The following MDGA1 variants were observed in gnomAD, a reference collection of about 807,000 sequenced individuals.
MDGA1 encodes MAM domain-containing glycosylphosphatidylinositol anchor protein 1.
In MDGA1, 54 loss-of-function variants were observed where a neutral mutation model predicts 101.5. The observed-to-expected ratio is 0.53, with a 90% CI of 0.43 to 0.67. The LOEUF is 0.67. Ranked by LOEUF, MDGA1 falls within the 30% of genes least tolerant of loss-of-function variation. MDGA1 has a pLI of 0.00. For synonymous variants in MDGA1, 533 were observed against 558.3 expected, an observed-to-expected ratio of 0.95 and a Z score of 0.64; for missense variants, 1,083 against 1,323.8, an observed-to-expected ratio of 0.82 and a Z score of 2.82.
intron 8 of MDGA1, 68 bp downstream of exon 8, chr6:37,650,041 A>C (rs1377557198): frequency 6.3e-7 from 1 of 1,594,678 alleles, no homozygotes. Context: ...GAGGATGAAG[A>C]GGGGACAGGC....
intron 2 of MDGA1, 49 bp downstream of exon 2, chr6:37,663,918 G>A (rs1001781638): frequency 5.0e-5 from 81 of 1,606,508 alleles, no homozygotes; most frequent in Non-Finnish European, 6.9e-5. Context: ...CTGAGCCTAG[G>A]CAAGGTGAGG....
chr6:37,641,881 A>T (rs1433311143), intron 14 of MDGA1: 1 of 152,210 alleles, frequency 6.6e-6, no homozygotes. Context: ...TGGGAGCCCC[A>T]GTGGATGCAG....
In MDGA1 at chr6:37,652,826, C is replaced by T. The variant is rs1761399901; in HGVS notation, c.983-486G>A. Among the ~76,000 whole-genome samples the T allele has an allele frequency of 1.3e-5, 2 of 152,192 alleles. No individual in the cohort carries two copies. The highest frequency in any genetic ancestry group is 4.8e-5 in the African/African-American group (2 of 41,446). ...TTAAACTTTAAATATGCAAAATACA[C>T]ATTTGGAAGCATGCACTAGAATATA... On this transcript the variant is annotated intron_variant, in intron 6 of 16. Transcript: ENST00000434837. This position sits in a 1 kb window ranked among gnomAD's most constrained non-coding sequence, Gnocchi z 4.3.
chr6:37,683,740 T>TGAGA (rs1444694138), intron 1 of MDGA1, among the ~76,000 whole-genome samples: 2 of 152,260 alleles, frequency 1.3e-5, no homozygotes, highest in Admixed American at 1.3e-4. Flanking sequence ...CCGATGTAAC[T>TGAGA]GACTTGATAA....
In MDGA1 at chr6:37,652,163, G is replaced by A. The variant is rs1185169157; in HGVS notation, c.1160C>T (p.Thr387Ile). 22 of 1,613,854 alleles carry A rather than the reference G, an allele frequency of 1.4e-5. No homozygotes were observed. The highest frequency in any genetic ancestry group is 2.2e-5 in the East Asian group (1 of 44,888). Reference sequence around the variant, plus strand: ...TGCGGGCAGCTCAGGATCATTGCGGGTCACCAGCAGCCGCTTGGACATGCG... The same window carrying A: ...TGCGGGCAGCTCAGGATCATTGCGGATCACCAGCAGCCGCTTGGACATGCG... ...PARMSKRLLV[T>I]RNDPELPAVT... The change falls in exon 7 of 17, where the codon ACC (threonine) becomes ATC (isoleucine). Residue 387 changes from threonine to isoleucine, a missense_variant. By Grantham distance (89) the Thr-to-Ile change is moderately conservative (BLOSUM62 -1). Coordinates refer to ENST00000434837, the MANE Select transcript of MDGA1 (RefSeq NM_153487.4). The surrounding 1 kb of genome is among the most constrained non-coding windows in gnomAD (Gnocchi z 4.3).
At chr6:37,650,590 G>T (rs577099472) in intron 7 of MDGA1, among the ~76,000 whole-genome samples, 185 bp from the exon 8 acceptor site, 3 of 152,174 alleles carry the variant, frequency 2.0e-5, no homozygotes, top group African/African-American at 7.2e-5. Context: ...TCCATCTCCT[G>T]GGTCTCCACC....
chr6:37,649,853 C>T (rs1250918161), intron 8 of MDGA1: 1 of 679,166 alleles, frequency 1.5e-6, no homozygotes, highest in Non-Finnish European at 2.7e-6. Flanking sequence ...CCCATTTCCA[C>T]CTGGCAAAAT....
chr6:37,686,039 T>C (rs1441095180), intron 1 of MDGA1, among the ~76,000 whole-genome samples: 1 of 152,108 alleles, frequency 6.6e-6, no homozygotes, highest in Admixed American at 6.5e-5. Context: ...CAATACCCAC[T>C]CTCCCTTTCT....
At chr6:37,673,114 A>G (rs906492111) in intron 1 of MDGA1, among the ~76,000 whole-genome samples, 1 of 152,206 alleles carries the variant, frequency 6.6e-6, no homozygotes, top group Non-Finnish European at 1.5e-5. Context: ...CAGCGAGGTT[A>G]TATAAGTTAC....
chr6:37,677,635 G>A lies in MDGA1; in HGVS notation c.68-13529C>T, dbSNP rs549131846. On this transcript the variant is annotated intron_variant, in intron 1 of 16. Coordinates refer to ENST00000434837, the MANE Select transcript of MDGA1 (RefSeq NM_153487.4). ...ATATATTGACAGGTATGGGCAGGGA[G>A]TTTAGAATGAATGGTTAATGTTTGA... Among the ~76,000 whole-genome samples, 11 of 152,230 alleles carry A rather than the reference G, an allele frequency of 7.2e-5. No homozygotes were observed. The East Asian group carries it at 1.9e-3, about 27-fold the overall frequency.
At chr6:37,656,205 G>A (rs571918913) in intron 3 of MDGA1, among the ~76,000 whole-genome samples, 1 of 150,838 alleles carries the variant, frequency 6.6e-6, no homozygotes, top group African/African-American at 2.4e-5. Flanking sequence ...AGCCTCCCAA[G>A]TAGCTGGGAT....
chr6:37,639,059 C>T (rs1256098501), intron 14 of MDGA1: 4 of 208,776 alleles, frequency 1.9e-5, no homozygotes, highest in South Asian at 9.2e-5. Flanking sequence ...AACAGTGTGT[C>T]CCTGTTGGCA....
At chr6:37,664,600 T>TACACACACACACACACACACACACAC (rs61046567) in intron 1 of MDGA1, among the ~76,000 whole-genome samples, 25 of 118,202 alleles carry the variant, frequency 2.1e-4, no homozygotes, top group African/African-American at 3.6e-4. Context: ...TCCCCCACAA[T>TACACACACACACACACACACACACAC]ACACACACAC....
chr6:37,664,258 A>C, intron 1 of MDGA1, 152 bp from the exon 2 acceptor site: 2 of 947,192 alleles, frequency 2.1e-6, no homozygotes, highest in Non-Finnish European at 3.2e-6. Flanking sequence ...CCAGGAAAGA[A>C]TCCTCCCAGG....
At chr6:37,668,596 G>A (rs937847021) in intron 1 of MDGA1, among the ~76,000 whole-genome samples, 5 of 152,238 alleles carry the variant, frequency 3.3e-5, no homozygotes, top group African/African-American at 9.6e-5. Context: ...GTGAACTATA[G>A]ATAGACATGA....
intron 12 of MDGA1, among the ~76,000 whole-genome samples, chr6:37,645,036 T>C (rs1473044517): frequency 6.6e-6 from 1 of 152,220 alleles, no homozygotes; most frequent in African/African-American, 2.4e-5. Context: ...AGATCTAGTG[T>C]TAGGTCTAGT....
intron 1 of MDGA1, among the ~76,000 whole-genome samples, chr6:37,686,313 G>T (rs1339315111): frequency 1.3e-5 from 2 of 151,702 alleles, no homozygotes; most frequent in Admixed American, 6.6e-5. Context: ...ATGTCAAAAG[G>T]CAGGGTTCCC....
chr6:37,673,650 T>C (rs887827711), intron 1 of MDGA1, among the ~76,000 whole-genome samples: 2 of 151,856 alleles, frequency 1.3e-5, no homozygotes, highest in African/African-American at 4.8e-5. Flanking sequence ...ACAGCCCCGC[T>C]CTCTGCAGAG....
At chr6:37,648,624 G>A (rs575137860) in intron 9 of MDGA1, 2 of 340,038 alleles carry the variant, frequency 5.9e-6, no homozygotes, top group Non-Finnish European at 5.3e-6. Flanking sequence ...AAAGCGGCGC[G>A]GTTGTCACAC....
Sources: allele counts gnomAD v4.1 joint callset (sites outside exome capture counted in the v4.1 genomes callset), GRCh38; gene constraint gnomAD v4.1.1; non-coding constraint Gnocchi (gnomAD v3.1); transcripts MANE v1.5; gene names NCBI Gene and HGNC (gene_info 2026-07-23, HGNC 2026-07-21).